The following TRIM33 variants were observed in gnomAD, a reference collection of about 807,000 sequenced individuals.
TRIM33 encodes the protein tripartite motif containing 33.
In TRIM33, 20 loss-of-function variants were observed where a neutral mutation model predicts 125.4. The observed-to-expected ratio is 0.16, with a 90% CI of 0.11 to 0.23. The LOEUF is 0.23. Among genes scored for constraint, TRIM33 ranks in the 10% least tolerant of loss-of-function variants. The probability of loss-of-function intolerance (pLI) is 1.00; values close to 1 mark genes in which losing one functional copy is unlikely to be tolerated. For missense variants in TRIM33, 920 were observed against 1,411.4 expected (o/e 0.65, Z 5.58); for synonymous variants, 564 against 513.9 (o/e 1.10, Z -1.32).
At chr1:114,496,586 A>G (rs1652378102) in intron 1 of TRIM33, among the ~76,000 whole-genome samples, 1 of 152,272 alleles carries the variant, frequency 6.6e-6, no homozygotes, top group Non-Finnish European at 1.5e-5. Context: ...AGGTATTTAC[A>G]TAATGAAAGA....
intron 10 of TRIM33, among the ~76,000 whole-genome samples, chr1:114,421,984 T>C (rs1009813994): frequency 1.3e-4 from 20 of 152,326 alleles, no homozygotes; most frequent in African/African-American, 4.6e-4. Flanking sequence ...TCTTCGACCT[T>C]TAGTCATTTT....
chr1:114,475,517 T>C (rs1191949029), intron 1 of TRIM33, among the ~76,000 whole-genome samples: 2 of 151,972 alleles, frequency 1.3e-5, no homozygotes, highest in African/African-American at 4.8e-5. Context: ...CTGTCTGTAC[T>C]AAAAATACAA....
At chr1:114,451,204 G>T (rs1649290127) in intron 4 of TRIM33, among the ~76,000 whole-genome samples, 1 of 152,056 alleles carries the variant, frequency 6.6e-6, no homozygotes, top group Non-Finnish European at 1.5e-5. Context: ...TTTCTCCAGA[G>T]AATAGGTCCA....
chr1:114,472,707 C>A (rs1329304288), intron 1 of TRIM33, among the ~76,000 whole-genome samples: 4 of 152,006 alleles, frequency 2.6e-5, no homozygotes, highest in Non-Finnish European at 5.9e-5. Flanking sequence ...ACAGTGAGAG[C>A]CTGTCTCAAA....
intron 1 of TRIM33, among the ~76,000 whole-genome samples, chr1:114,507,773 A>T (rs890486921): frequency 1.3e-5 from 2 of 152,210 alleles, no homozygotes; most frequent in East Asian, 3.8e-4. Flanking sequence ...AGCAAAGCAG[A>T]ATGGTATATA....
At chr1:114,422,378 C>T (rs1336537505) in intron 10 of TRIM33, among the ~76,000 whole-genome samples, 1 of 152,144 alleles carries the variant, frequency 6.6e-6, no homozygotes, top group Non-Finnish European at 1.5e-5. Context: ...ACAAGGTGTA[C>T]TTGGCCCCTA....
At chr1:114,503,977 AT>A (rs1652849345) in intron 1 of TRIM33, among the ~76,000 whole-genome samples, 1 of 152,204 alleles carries the variant, frequency 6.6e-6, no homozygotes, top group Non-Finnish European at 1.5e-5. Flanking sequence ...TTTTAGGCAC[AT>A]TTCCCACTTC....
chr1:114,397,757 A>T lies in TRIM33; in HGVS notation c.3275T>A (p.Phe1092Tyr), dbSNP rs1301157823. The T allele has an allele frequency of 2.7e-5, 44 of 1,613,558 alleles. No homozygotes were observed. The highest frequency in any genetic ancestry group is 6.7e-5 in the African/African-American group (5 of 74,758). Residue 1092 changes from phenylalanine (F) to tyrosine (Y), a missense_variant, in exon 20 of 20, where the codon TTT becomes TAT. By Grantham distance (22) the Phe-to-Tyr change is conservative (BLOSUM62 3). Around this residue, in one of 8 missense-constraint regions of TRIM33, gnomAD observed 122 missense variants for 236.8 expected, o/e 0.52. Transcript: ENST00000358465. ...SDRTFAPLPE[F>Y]EQEEDDGEVT... ...CTCACCATCATCCTCTTCCTGCTCAAACTCTGGCAAAGGTGCGAAGGTCCT... is the reference window on the plus strand; with the variant it reads ...CTCACCATCATCCTCTTCCTGCTCATACTCTGGCAAAGGTGCGAAGGTCCT...
intron 13 of TRIM33, among the ~76,000 whole-genome samples, chr1:114,408,237 G>A (rs1652372862): frequency 6.6e-6 from 1 of 152,080 alleles, no homozygotes; most frequent in Non-Finnish European, 1.5e-5. Context: ...TGATAGTGAT[G>A]TAAACAAATA....
At chr1:114,438,453 T>C (rs1648445624) in intron 4 of TRIM33, among the ~76,000 whole-genome samples, 1 of 152,180 alleles carries the variant, frequency 6.6e-6, no homozygotes. Context: ...ACTCACTCCA[T>C]CCCTTAGACT....
intron 11 of TRIM33, among the ~76,000 whole-genome samples, chr1:114,418,160 G>A (rs939878257): frequency 1.3e-5 from 2 of 152,194 alleles, no homozygotes; most frequent in Admixed American, 1.3e-4. Context: ...GGGGAAGCAG[G>A]CACCTTCACA....
intron 4 of TRIM33, among the ~76,000 whole-genome samples, chr1:114,440,763 G>T (rs1054427846): frequency 2.0e-5 from 3 of 152,106 alleles, no homozygotes; most frequent in East Asian, 1.9e-4. Context: ...GTAAAAAAAG[G>T]GGGGGAATAC....
At chr1:114,455,048 C>A (rs1483669055) in intron 4 of TRIM33, among the ~76,000 whole-genome samples, 3 of 152,140 alleles carry the variant, frequency 2.0e-5, no homozygotes, top group South Asian at 2.1e-4. Flanking sequence ...GGCACAGGAT[C>A]TTTGGTTTTT....
At chr1:114,429,264 C>T (rs7541954) in intron 6 of TRIM33, among the ~76,000 whole-genome samples, 53,320 of 151,512 alleles carry the variant, frequency 0.35, 10,057 homozygotes, top group African/African-American at 0.46. Context: ...CTTGCCTCAC[C>T]GCAACCTCCA....
At chr1:114,449,373 A>T (rs1464234230) in intron 4 of TRIM33, among the ~76,000 whole-genome samples, 1 of 152,248 alleles carries the variant, frequency 6.6e-6, no homozygotes, top group Non-Finnish European at 1.5e-5. Flanking sequence ...TGGCAGAATC[A>T]GGCACATGTA....
intron 1 of TRIM33, among the ~76,000 whole-genome samples, chr1:114,477,123 A>T (rs940996441): frequency 6.6e-6 from 1 of 152,192 alleles, no homozygotes; most frequent in Admixed American, 6.5e-5. Context: ...AAGGTTTACC[A>T]AGAATTCAAG....
At chr1:114,486,916 A>C (rs368243587) in intron 1 of TRIM33, among the ~76,000 whole-genome samples, 132 of 152,016 alleles carry the variant, frequency 8.7e-4, no homozygotes, top group African/African-American at 2.9e-3. Context: ...GTGAAACCCT[A>C]TCTCTACTAA....
chr1:114,460,396 C>T (rs1040485934), intron 4 of TRIM33: 1 of 152,726 alleles, frequency 6.5e-6, no homozygotes, highest in African/African-American at 2.4e-5. Flanking sequence ...TTCATTGAAA[C>T]TGTTGAAATA....
intron 17 of TRIM33, among the ~76,000 whole-genome samples, chr1:114,400,743 A>G (rs1651821030): frequency 6.6e-6 from 1 of 152,210 alleles, no homozygotes; most frequent in Non-Finnish European, 1.5e-5. Context: ...TGTACTATTC[A>G]ACAACTGATG....
Sources: allele counts gnomAD v4.1 joint callset (sites outside exome capture counted in the v4.1 genomes callset), GRCh38; gene constraint gnomAD v4.1.1; regional missense constraint gnomAD v4.1.1; transcripts MANE v1.5; gene names NCBI Gene and HGNC (gene_info 2026-07-23, HGNC 2026-07-21).